The following LHX9 variants were observed in gnomAD, a reference collection of about 807,000 sequenced individuals.
LHX9 encodes LIM/homeobox protein Lhx9.
In LHX9, 9 loss-of-function variants were observed where a neutral mutation model predicts 36.5. That is an observed-to-expected ratio of 0.25 (90% CI 0.15 to 0.43). The LOEUF (loss-of-function observed/expected upper bound fraction) is 0.43. Ranked by LOEUF, LHX9 falls within the 20% of genes least tolerant of loss-of-function variation. The pLI, the probability that LHX9 is intolerant of heterozygous loss-of-function variation, is 1.00. For synonymous variants in LHX9, 211 were observed against 212.1 expected (o/e 0.99, Z 0.04); for missense variants, 464 against 526.4 (o/e 0.88, Z 1.16).
At chr1:197,913,085 T>C (rs775837459), upstream of LHX9, 71 of 156,506 alleles carry the variant, frequency 4.5e-4, no homozygotes, top group Non-Finnish European at 7.6e-4. Flanking sequence ...CCTTTATTTC[T>C]GCAGAGCTGA....
upstream of LHX9, chr1:197,916,661 C>T (rs1456446008): frequency 1.4e-6 from 1 of 702,784 alleles, no homozygotes; most frequent in Non-Finnish European, 2.6e-6. Context: ...ATTGTTTTGC[C>T]AAAAGTAACC....
chr1:197,921,590 G>T lies in LHX9; in HGVS notation c.664G>T (p.Val222Leu), dbSNP rs768603459. 14 of 1,609,826 alleles carry T rather than the reference G, an allele frequency of 8.7e-6. No homozygotes were observed. Among genetic ancestry groups the T allele is most frequent in the African/African-American group, 2.7e-5 (2 of 74,916 alleles). ...ALPYFNGTGT[V>L]QKGRPRKRKS... ...GCCTTACTTCAACGGTACGGGCACC[G>T]TGCAGAAAGGGCGGCCCCGGAAGCG... Residue 222 changes from valine to leucine, a missense_variant, in exon 3 of 5, where the codon GTG (valine) becomes TTG (leucine). Val to Leu is a conservative substitution (Grantham distance 32). Coordinates refer to ENST00000367387, the MANE Select transcript of LHX9 (RefSeq NM_020204.3). The surrounding 1 kb of genome is among the most constrained non-coding windows in gnomAD (Gnocchi z 4.6).
upstream of LHX9, among the ~76,000 whole-genome samples, chr1:197,913,672 T>C (rs1051396124): frequency 6.6e-6 from 1 of 152,178 alleles, no homozygotes; most frequent in African/African-American, 2.4e-5. Flanking sequence ...CGCTGACGTT[T>C]CACTGGGCCT....
rs904945415 is a variant in LHX9, at chr1:197,921,032, T to A, written c.378-272T>A. Among the ~76,000 whole-genome samples, 1 of 152,162 alleles carries A rather than the reference T, an allele frequency of 6.6e-6. No individual in the cohort carries two copies. Among genetic ancestry groups the A allele is most frequent in the Non-Finnish European group, 1.5e-5 (1 of 68,044 alleles). On this transcript the variant is annotated intron_variant, in intron 2 of 4. Transcript: ENST00000367387. The surrounding 1 kb of genome is among the most constrained non-coding windows in gnomAD (Gnocchi z 4.6). ...TAGTGCTAACTAGTGGTTTGCTTTT[T>A]TAAATTTTTTTTAATGTTTTAAATT...
At chr1:197,925,550 T>C (rs1305116577) in intron 3 of LHX9, among the ~76,000 whole-genome samples, 1 of 152,168 alleles carries the variant, frequency 6.6e-6, no homozygotes, top group East Asian at 1.9e-4. Context: ...GGTATATTTA[T>C]AATCTGGTTA....
At chr1:197,923,215 G>C (rs927465703) in intron 3 of LHX9, among the ~76,000 whole-genome samples, 8 of 152,202 alleles carry the variant, frequency 5.3e-5, no homozygotes, top group Non-Finnish European at 7.3e-5. Flanking sequence ...AAAAGAAAAG[G>C]ACCTGCCGGC....
chr1:197,915,006 C>T (rs146459434), upstream of LHX9, among the ~76,000 whole-genome samples: 96 of 152,288 alleles, frequency 6.3e-4, no homozygotes, highest in African/African-American at 1.9e-3. Flanking sequence ...CCTGGAGACG[C>T]TGTAAAGTTC....
chr1:197,935,177 T>C lies in LHX9; in HGVS notation c.*5918T>C, dbSNP rs1040697577. 6.6e-6 allele frequency: 1 copy of C among 152,218 alleles called. No homozygotes were observed. Among genetic ancestry groups the C allele is most frequent in the Admixed American group, 6.5e-5 (1 of 15,278 alleles). 9.4% of individuals were successfully genotyped at this position (152,218 alleles called of 1,614,324 possible). A position where few individuals can be genotyped will look rare whatever the true frequency, so the allele number is the denominator to read the frequency against. ...AATATTAATATAGTTAACCCTCCCT[T>C]ATTATGTATCATATCAATAAGTTTC... On this transcript the variant is annotated 3_prime_UTR_variant, in exon 5 of 5. Coordinates refer to ENST00000367387, the MANE Select transcript of LHX9 (RefSeq NM_020204.3).
intron 3 of LHX9, among the ~76,000 whole-genome samples, chr1:197,925,262 T>C (rs1391259317): frequency 6.6e-6 from 1 of 152,222 alleles, no homozygotes; most frequent in Admixed American, 6.5e-5. Flanking sequence ...AGCCATTTCA[T>C]TAAATCTTAC....
upstream of LHX9, chr1:197,912,681 G>C: frequency 9.4e-7 from 1 of 1,068,118 alleles, no homozygotes; most frequent in Non-Finnish European, 1.5e-6. Context: ...GTGTGTGTTT[G>C]TCTTAAAAAT....
chr1:197,914,427 G>A (rs981783590), upstream of LHX9, among the ~76,000 whole-genome samples: 24 of 151,948 alleles, frequency 1.6e-4, no homozygotes, highest in African/African-American at 5.6e-4. Flanking sequence ...CCAGCCACCG[G>A]GCCTCAGCCC....
At chr1:197,928,942 G>A (rs79157539) in intron 4 of LHX9, 60 bp from the exon 5 acceptor site, 32,567 of 1,406,146 alleles carry the variant, frequency 0.023, 441 homozygotes, top group Middle Eastern at 0.033. Context: ...AAGTGAGAGA[G>A]AAAGAAAAGA....
chr1:197,931,545 G>A lies in LHX9; in HGVS notation c.*2286G>A, dbSNP rs1660326707. 5.9e-6 allele frequency: 1 copy of A among 169,138 alleles called. No homozygotes were observed. The highest frequency in any genetic ancestry group is 1.3e-5 in the Non-Finnish European group (1 of 78,698). The allele number at this position is 169,138 out of a possible 1,614,324, so 10.5% of individuals were successfully genotyped here. A position where few individuals can be genotyped will look rare whatever the true frequency, so the allele number is the denominator to read the frequency against. ...TGTGTTCCAGCATCTATATGTAAAA[G>A]CTTTTCAAATGGTAATACAACATTG... On this transcript the variant is annotated 3_prime_UTR_variant, in exon 5 of 5. Coordinates refer to ENST00000367387, the MANE Select transcript of LHX9 (RefSeq NM_020204.3).
At chr1:197,919,051 C>T (rs1167082251) in intron 1 of LHX9, among the ~76,000 whole-genome samples, 7 of 152,208 alleles carry the variant, frequency 4.6e-5, no homozygotes. Flanking sequence ...GCTGAAGTTT[C>T]GTGGGGAAGA....
chr1:197,931,887 A>G lies in LHX9; in HGVS notation c.*2628A>G. On this transcript the variant is annotated 3_prime_UTR_variant, in exon 5 of 5. Coordinates refer to ENST00000367387, the MANE Select transcript of LHX9 (RefSeq NM_020204.3). ...ACCCCTAAAAGCCAAGTTGCTCTGTAGTTAATAAATTGTCACTATGATTTT... is the reference window on the plus strand; with the variant it reads ...ACCCCTAAAAGCCAAGTTGCTCTGTGGTTAATAAATTGTCACTATGATTTT... The G allele has an allele frequency of 6.6e-7, 1 of 1,516,658 alleles. No homozygotes were observed. The highest frequency in any genetic ancestry group is 1.2e-5 in the South Asian group (1 of 83,050). The allele number at this position is 1,516,658 out of a possible 1,614,324, so 94.0% of individuals were successfully genotyped here.
chr1:197,921,306 G>A lies in LHX9; in HGVS notation c.380G>A (p.Arg127Lys). 1 of 1,609,870 alleles carries A rather than the reference G, an allele frequency of 6.2e-7. No individual in the cohort carries two copies. Among genetic ancestry groups the A allele is most frequent in the Non-Finnish European group, 8.5e-7 (1 of 1,177,046 alleles). The change falls in exon 3 of 5, where the codon AGG (arginine) becomes AAG (lysine). Residue 127 changes from arginine (R) to lysine (K), a missense_variant and splice_region_variant. Around this residue, in one of 5 missense-constraint regions of LHX9, gnomAD observed 93 missense variants for 150.3 expected, o/e 0.62. Coordinates refer to ENST00000367387, the MANE Select transcript of LHX9 (RefSeq NM_020204.3). This position sits in a 1 kb window ranked among gnomAD's most constrained non-coding sequence, Gnocchi z 4.6. ...SIYCKEDYYRRFSVQRCARCH... is the reference protein window; with the variant it reads ...SIYCKEDYYRKFSVQRCARCH... ...CTGACTCAACTCTTTCCTTCCAGAA[G>A]GTTCTCTGTGCAGAGATGTGCCCGC...
Position 197,923,891 on chromosome 1 carries a change from A to C in LHX9, c.733+2232A>C, listed in dbSNP as rs185052168. ...TGTCTTGGTCCCAAAGGAGGGAAAAATTGCTTAGGCCCCCTTAGCCCGAAG... is the reference window on the plus strand; with the variant it reads ...TGTCTTGGTCCCAAAGGAGGGAAAACTTGCTTAGGCCCCCTTAGCCCGAAG... On this transcript the variant is annotated intron_variant, in intron 3 of 4. Transcript: ENST00000367387. Among the ~76,000 whole-genome samples the C allele has an allele frequency of 5.9e-5, 9 of 152,232 alleles. No homozygotes were observed. The East Asian group carries it at 1.7e-3, about 29-fold the overall frequency.
chr1:197,927,158 G>T (rs1245648427), intron 3 of LHX9, among the ~76,000 whole-genome samples: 2 of 152,164 alleles, frequency 1.3e-5, no homozygotes, highest in Non-Finnish European at 2.9e-5. Context: ...TTCAGACAGT[G>T]TGTCTCATTC....
Position 197,917,503 on chromosome 1 carries a change from C to G in LHX9, c.-321C>G. 1 of 1,397,418 alleles carries G rather than the reference C, an allele frequency of 7.2e-7. No individual in the cohort carries two copies. The highest frequency in any genetic ancestry group is 9.5e-7 in the Non-Finnish European group (1 of 1,049,426). 86.6% of individuals were successfully genotyped at this position (1,397,418 alleles called of 1,614,324 possible). A position where few individuals can be genotyped will look rare whatever the true frequency, so the allele number is the denominator to read the frequency against. On this transcript the variant is annotated 5_prime_UTR_variant, in exon 1 of 5. Coordinates refer to ENST00000367387, the MANE Select transcript of LHX9 (RefSeq NM_020204.3). The stretch of plus-strand genomic sequence containing the variant: ...ACCAGATTTTGTTTTCCTCCCCCCG[C>G]TGCAGTTGTTTCCCATTAGTAACTC...
Sources: gnomAD v4.1 joint callset for allele counts (sites outside exome capture counted in the v4.1 genomes callset) on GRCh38, gnomAD v4.1.1 for gene constraint, gnomAD v4.1.1 regional missense constraint, Gnocchi (gnomAD v3.1) non-coding constraint, MANE v1.5 for transcripts, NCBI Gene and HGNC (gene_info 2026-07-23, HGNC 2026-07-21) for gene names.